RAVER2: variants seen among roughly 807,000 people sequenced by gnomAD.
The protein encoded by RAVER2 is ribonucleoprotein, PTB binding 2, also known as ribonucleoprotein PTB-binding 2.
RAVER2 carries 46 observed loss-of-function variants against 78.1 expected under a neutral mutation model. The ratio of observed to expected loss-of-function variants is 0.59; its 90% confidence interval spans 0.46 to 0.75. RAVER2 has a LOEUF of 0.75. Among genes scored for constraint, RAVER2 ranks in the 30% least tolerant of loss-of-function variants. RAVER2 has a pLI of 0.00. For missense variants in RAVER2, 793 were observed against 837.5 expected (o/e 0.95, Z 0.66); for synonymous variants, 311 against 313.3 (o/e 0.99, Z 0.08).
chr1:64,786,709 C>T (rs1652789592), intron 4 of RAVER2, among the ~76,000 whole-genome samples: 1 of 152,044 alleles, frequency 6.6e-6, no homozygotes, highest in Non-Finnish European at 1.5e-5. Flanking sequence ...AGGAGAATTG[C>T]TTGAACCCAG....
At chr1:64,831,011 T>A in exon 12 of RAVER2, 1 of 1,604,502 alleles carries the variant, frequency 6.2e-7, no homozygotes, top group Non-Finnish European at 8.5e-7. Context: ...AATAACCCCC[T>A]AAGGTTCTCT....
chr1:64,821,453 T>C (rs1653885321), intron 11 of RAVER2, among the ~76,000 whole-genome samples: 1 of 152,204 alleles, frequency 6.6e-6, no homozygotes, highest in Non-Finnish European at 1.5e-5. Context: ...TGTCTTGTCA[T>C]GAAATCTTTG....
chr1:64,789,080 T>C (rs530575463), intron 4 of RAVER2, among the ~76,000 whole-genome samples: 13 of 152,214 alleles, frequency 8.5e-5, no homozygotes, highest in African/African-American at 2.9e-4. Flanking sequence ...TGTCAACAAG[T>C]TATTAATAAC....
chr1:64,802,490 G>A (rs993470152), intron 5 of RAVER2, among the ~76,000 whole-genome samples: 3 of 152,102 alleles, frequency 2.0e-5, no homozygotes, highest in Non-Finnish European at 2.9e-5. Flanking sequence ...TTATGTCTGT[G>A]TACAGTTTTG....
chr1:64,780,157 C>G (rs967696214), intron 3 of RAVER2, among the ~76,000 whole-genome samples: 8 of 152,126 alleles, frequency 5.3e-5, no homozygotes, highest in African/African-American at 1.9e-4. Flanking sequence ...CTGTTAACCT[C>G]AGGCTCTTTT....
intron 2 of RAVER2, among the ~76,000 whole-genome samples, chr1:64,775,709 GAA>G (rs543199230): frequency 4.6e-5 from 7 of 152,134 alleles, no homozygotes; most frequent in Non-Finnish European, 1.0e-4. Context: ...AGCAAATCAA[GAA>G]AGAGTACATC....
At chr1:64,797,911 A>T (rs953664324) in intron 5 of RAVER2, among the ~76,000 whole-genome samples, 2 of 149,418 alleles carry the variant, frequency 1.3e-5, no homozygotes, top group Admixed American at 6.7e-5. Flanking sequence ...AAAGTAATGT[A>T]GTTTTTTTTT....
chr1:64,801,977 A>G (rs904488198), intron 5 of RAVER2, among the ~76,000 whole-genome samples: 55 of 152,360 alleles, frequency 3.6e-4, no homozygotes, highest in African/African-American at 1.3e-3. Flanking sequence ...TATGTGCTAA[A>G]CAAGAGGTGG....
At position 64,803,023 on chromosome 1, in the gene RAVER2, ATC is replaced by A; in HGVS notation, c.1158_1159del (p.Pro387CysfsTer7). 1 of 1,609,358 alleles carries A rather than the reference ATC, an allele frequency of 6.2e-7. No individual in the cohort carries two copies. The highest frequency in any genetic ancestry group is 8.5e-7 in the Non-Finnish European group (1 of 1,176,558). ...CTTGCCACATCTGATGAATCCATCC[ATC>A]TCTCCTGCATTTTTACATTTGAATA... On this transcript the variant is annotated frameshift_variant, in exon 6 of 12. Coordinates refer to ENST00000294428, the Ensembl canonical transcript of RAVER2. LOFTEE classifies it high-confidence loss of function.
chr1:64,784,274 G>T (rs1652717175), intron 4 of RAVER2, among the ~76,000 whole-genome samples: 1 of 152,110 alleles, frequency 6.6e-6, no homozygotes, highest in South Asian at 2.1e-4. Context: ...CTACTTGGGG[G>T]GCTGAGGTGG....
At chr1:64,832,243 A>G (rs1454814364) in exon 12 of RAVER2, 2 of 152,642 alleles carry the variant, frequency 1.3e-5, no homozygotes, top group East Asian at 3.8e-4. Context: ...AAGGAGTCAC[A>G]GTATTTATAA....
intron 5 of RAVER2, among the ~76,000 whole-genome samples, chr1:64,800,530 T>A (rs1653234074): frequency 6.6e-6 from 1 of 152,206 alleles, no homozygotes; most frequent in South Asian, 2.1e-4. Context: ...CCCAGCATAA[T>A]TTATTGAAGG....
intron 2 of RAVER2, among the ~76,000 whole-genome samples, chr1:64,774,092 T>G (rs1044101927): frequency 5.3e-5 from 8 of 152,222 alleles, no homozygotes; most frequent in Non-Finnish European, 7.3e-5. Context: ...CTTTGTCAGA[T>G]GGATAGATTG....
chr1:64,811,810 G>A (rs1284123112), intron 9 of RAVER2, among the ~76,000 whole-genome samples: 1 of 152,104 alleles, frequency 6.6e-6, no homozygotes, highest in African/African-American at 2.4e-5. Flanking sequence ...ACTGTGTAGG[G>A]GGTTGGCACC....
intron 1 of RAVER2, among the ~76,000 whole-genome samples, chr1:64,756,197 C>T (rs1354147642): frequency 6.6e-6 from 1 of 152,118 alleles, no homozygotes; most frequent in East Asian, 1.9e-4. Flanking sequence ...ACATGTTTTA[C>T]ATTTGTCCTA....
chr1:64,791,203 A>G (rs182514988), intron 5 of RAVER2, among the ~76,000 whole-genome samples: 4 of 152,292 alleles, frequency 2.6e-5, no homozygotes, highest in African/African-American at 7.2e-5. Flanking sequence ...CACCCTCCCA[A>G]CACATCAATA....
intron 11 of RAVER2, among the ~76,000 whole-genome samples, chr1:64,817,453 C>T (rs570043062): frequency 2.0e-5 from 3 of 152,102 alleles, no homozygotes; most frequent in Non-Finnish European, 2.9e-5. Context: ...CACATGCACA[C>T]GTATGTTTAT....
At chr1:64,785,612 G>A (rs1312211055) in intron 4 of RAVER2, among the ~76,000 whole-genome samples, 2 of 151,934 alleles carry the variant, frequency 1.3e-5, no homozygotes, top group Admixed American at 1.3e-4. Flanking sequence ...CAAGTGATCT[G>A]CCAGCCTCAG....
intron 5 of RAVER2, among the ~76,000 whole-genome samples, chr1:64,794,246 A>T (rs533812315): frequency 1.0e-3 from 154 of 152,014 alleles, no homozygotes; most frequent in Non-Finnish European, 1.6e-3. Flanking sequence ...AAAATACAAA[A>T]AATTAGCCGG....
Sources: allele counts gnomAD v4.1 joint callset (sites outside exome capture counted in the v4.1 genomes callset), GRCh38; gene constraint gnomAD v4.1.1; transcripts MANE v1.5; gene names NCBI Gene and HGNC (gene_info 2026-07-23, HGNC 2026-07-21).